MLIP: variants seen among roughly 807,000 people sequenced by gnomAD.
The protein encoded by MLIP is muscular LMNA interacting protein.
Under a neutral mutation model 84.8 loss-of-function variants are expected in MLIP, and 79 were observed. The ratio of observed to expected loss-of-function variants is 0.93; its 90% CI spans 0.78 to 1.12. The LOEUF (loss-of-function observed/expected upper bound fraction) is 1.12. Ranked by LOEUF, MLIP falls within the 50% of genes most tolerant of loss-of-function variation. The probability of loss-of-function intolerance (pLI) is 0.00; values close to 1 mark genes in which losing one functional copy is unlikely to be tolerated. For missense variants in MLIP, 1,257 were observed against 1,160.6 expected (o/e 1.08, Z -1.21); for synonymous variants, 504 against 463.0 (o/e 1.09, Z -1.14).
chr6:54,170,084 A>T (rs1775621632), intron 9 of MLIP, among the ~76,000 whole-genome samples: 1 of 151,692 alleles, frequency 6.6e-6, no homozygotes, highest in African/African-American at 2.4e-5. Context: ...TCAAATAATT[A>T]TGAGTAGCTG....
chr6:54,188,027 A>G (rs899294549), intron 9 of MLIP, among the ~76,000 whole-genome samples: 1 of 152,212 alleles, frequency 6.6e-6, no homozygotes, highest in Non-Finnish European at 1.5e-5. Flanking sequence ...ATGTATATAC[A>G]TTAACCTAGT....
At chr6:54,228,639 G>T (rs1780771333) in intron 11 of MLIP, among the ~76,000 whole-genome samples, 1 of 152,214 alleles carries the variant, frequency 6.6e-6, no homozygotes, top group Non-Finnish European at 1.5e-5. Context: ...CTCTTGATTG[G>T]ATAGAACTTG....
intron 5 of MLIP, among the ~76,000 whole-genome samples, chr6:54,158,805 G>T (rs1774312166): frequency 6.6e-6 from 1 of 151,986 alleles, no homozygotes; most frequent in Non-Finnish European, 1.5e-5. Context: ...AGAGAGAACT[G>T]GAGTTGCATC....
intron 10 of MLIP, among the ~76,000 whole-genome samples, chr6:54,201,306 A>C (rs1018738374): frequency 2.6e-5 from 4 of 152,140 alleles, no homozygotes; most frequent in African/African-American, 9.7e-5. Context: ...TGTGTGAGGG[A>C]ATCTGGTGTA....
At chr6:54,057,162 A>G (rs1281917136) in intron 1 of MLIP, among the ~76,000 whole-genome samples, 1 of 152,202 alleles carries the variant, frequency 6.6e-6, no homozygotes, top group Non-Finnish European at 1.5e-5. Flanking sequence ...TGACTTGCCC[A>G]AAGACATGCA....
At chr6:54,080,278 G>T (rs1184912362) in intron 1 of MLIP, among the ~76,000 whole-genome samples, 2 of 151,984 alleles carry the variant, frequency 1.3e-5, no homozygotes, top group Non-Finnish European at 2.9e-5. Flanking sequence ...AACCCCCTCT[G>T]CCATGCTGGA....
intron 11 of MLIP, among the ~76,000 whole-genome samples, chr6:54,212,007 T>G (rs1177293762): frequency 6.6e-6 from 1 of 152,212 alleles, no homozygotes; most frequent in Admixed American, 6.5e-5. Context: ...TAAAACTCTA[T>G]CTCTGGAATT....
rs773508128 is a variant in MLIP, at chr6:54,230,838, C to G, written c.2843C>G (p.Pro948Arg). 1.2e-6 allele frequency: 2 copies of G among 1,613,886 alleles called. No homozygotes were observed. The highest frequency in any genetic ancestry group is 2.2e-5 in the East Asian group (1 of 44,870). Reference protein sequence around the residue: ...LSHADCLAPGPFSHLSFSLSD... With the variant: ...LSHADCLAPGRFSHLSFSLSD... ...CATGCTGACTGTCTTGCCCCAGGACCCTTCAGTCATCTGTCCTTCTCCTTG... is the reference window on the plus strand; with the variant it reads ...CATGCTGACTGTCTTGCCCCAGGACGCTTCAGTCATCTGTCCTTCTCCTTG... Residue 948 changes from proline to arginine, a missense_variant, in exon 12 of 14, where the codon CCC (proline) becomes CGC (arginine). Pro to Arg is a moderately radical substitution (Grantham distance 103, BLOSUM62 -2). Coordinates refer to ENST00000502396, the MANE Select transcript of MLIP (RefSeq NM_001281747.2).
rs370811765 is a variant in MLIP, at chr6:54,132,648, T to C, written c.646-4067T>C. ...ATCAGAACAGTAGAGGAAGCCAAGG[T>C]CCAAACAACAACAACAAAAAAGAAA... On this transcript the variant is annotated intron_variant, in intron 3 of 13. Coordinates refer to ENST00000502396, the MANE Select transcript of MLIP (RefSeq NM_001281747.2). Among the ~76,000 whole-genome samples the C allele has an allele frequency of 8.0e-4, 121 of 152,158 alleles. 2 individuals are homozygous for C. In the South Asian group the frequency reaches 0.022, roughly 27 times the overall value.
In MLIP at chr6:54,230,982, A is replaced by G. The variant is rs1056185013; in HGVS notation, c.2922+65A>G. On this transcript the variant is annotated intron_variant, in intron 12 of 13. Transcript: ENST00000502396. ...TGAACCTTCATTACGCTTGACTTTT[A>G]AAACTTAAATGTGGAGGAAACATGT... 170 of 1,406,262 alleles carry G rather than the reference A, an allele frequency of 1.2e-4. 1 individual carries two copies. Among genetic ancestry groups the G allele is most frequent in the Non-Finnish European group, 2.1e-5 (21 of 1,006,600 alleles). 87.1% of individuals were successfully genotyped at this position (1,406,262 alleles called of 1,614,324 possible).
intron 2 of MLIP, among the ~76,000 whole-genome samples, chr6:54,123,161 T>A (rs1472811277): frequency 6.6e-6 from 1 of 150,404 alleles, no homozygotes; most frequent in Non-Finnish European, 1.5e-5. Context: ...GATCTCGATC[T>A]CCTGACCTCG....
At position 54,064,052 on chromosome 6, in the gene MLIP, A is replaced by C. The variant is rs1766133674; in HGVS notation, c.63+44961A>C. Among the ~76,000 whole-genome samples the C allele has an allele frequency of 3.0e-5, 3 of 100,294 alleles. 1 individual carries two copies. The highest frequency in any genetic ancestry group is 8.6e-5 in the Non-Finnish European group (3 of 34,948). The allele number at this position is 100,294 out of a possible 152,430, so 65.8% of individuals were successfully genotyped here. On this transcript the variant is annotated intron_variant, in intron 1 of 12. Transcript: ENST00000274897. ...TGATGATCCTTATTTTCTAACTACTAAAAATTATTGGTTTTAGTTTGGAAA... is the reference window on the plus strand; with the variant it reads ...TGATGATCCTTATTTTCTAACTACTCAAAATTATTGGTTTTAGTTTGGAAA...
chr6:54,098,140 T>TTTC (rs1460670948), intron 1 of MLIP, among the ~76,000 whole-genome samples: 1,921 of 123,476 alleles, frequency 0.016, 499 homozygotes, highest in Non-Finnish European at 0.019. Context: ...TCTTGGGGAT[T>TTTC]TTTCTTTCTT....
At chr6:54,196,235 G>T (rs1316838473) in intron 10 of MLIP, among the ~76,000 whole-genome samples, 1 of 152,072 alleles carries the variant, frequency 6.6e-6, no homozygotes, top group African/African-American at 2.4e-5. Context: ...TGACGTGCAG[G>T]TTTGTTACAT....
intron 12 of MLIP, among the ~76,000 whole-genome samples, chr6:54,242,564 A>T (rs991920265): frequency 1.3e-5 from 2 of 152,218 alleles, no homozygotes; most frequent in Non-Finnish European, 2.9e-5. Flanking sequence ...AAGATCAATC[A>T]ACAAGAGTTA....
At chr6:54,116,692 C>G (rs998682997) in intron 1 of MLIP, among the ~76,000 whole-genome samples, 2 of 152,212 alleles carry the variant, frequency 1.3e-5, no homozygotes, top group African/African-American at 4.8e-5. Flanking sequence ...CATTTCTCCT[C>G]TAACTATTTC....
intron 1 of MLIP, among the ~76,000 whole-genome samples, chr6:54,094,584 T>G (rs1768082449): frequency 6.6e-6 from 1 of 151,092 alleles, no homozygotes; most frequent in African/African-American, 2.4e-5. Flanking sequence ...TTTGTCTTCT[T>G]TCTGACTTTT....
At chr6:54,112,359 G>T (rs960887809) in intron 1 of MLIP, among the ~76,000 whole-genome samples, 3 of 152,208 alleles carry the variant, frequency 2.0e-5, no homozygotes, top group Admixed American at 1.3e-4. Context: ...GCATTGCATA[G>T]TTGGTGTAAT....
intron 11 of MLIP, among the ~76,000 whole-genome samples, chr6:54,209,582 G>A (rs1268239734): frequency 6.6e-6 from 1 of 152,162 alleles, no homozygotes; most frequent in Non-Finnish European, 1.5e-5. Context: ...TGTTTCTTTA[G>A]GGATGGGATT....
Sources: allele counts gnomAD v4.1 joint callset (sites outside exome capture counted in the v4.1 genomes callset), GRCh38; gene constraint gnomAD v4.1.1; transcripts MANE v1.5; gene names NCBI Gene and HGNC (gene_info 2026-07-23, HGNC 2026-07-21).